Variants in CSMD1 observed in about 807,000 individuals in gnomAD.
The protein encoded by CSMD1 is CUB and Sushi multiple domains 1.
In CSMD1, 213 loss-of-function variants were observed where a neutral mutation model predicts 417.5. That is an observed-to-expected ratio of 0.51 (90% CI 0.46 to 0.57). The LOEUF (loss-of-function observed/expected upper bound fraction) is 0.57. CSMD1 is among the 20% of genes least tolerant of loss of function. CSMD1 has a pLI of 0.00. For missense variants in CSMD1, 6,923 were observed against 4,529.7 expected, an observed-to-expected ratio of 1.53 and a Z score of -15.17; for synonymous variants, 2,862 against 1,736.8, an observed-to-expected ratio of 1.65 and a Z score of -16.11.
intron 6 of CSMD1, among the ~76,000 whole-genome samples, chr8:3,726,703 A>C (rs1802519582): frequency 6.6e-6 from 1 of 152,072 alleles, no homozygotes; most frequent in Non-Finnish European, 1.5e-5. Flanking sequence ...CGAGGTGTAT[A>C]TTTACCTATG....
chr8:4,633,453 G>A (rs538563009), intron 2 of CSMD1, among the ~76,000 whole-genome samples: 1 of 151,836 alleles, frequency 6.6e-6, no homozygotes, highest in Non-Finnish European at 1.5e-5. Flanking sequence ...GTTTCACCGT[G>A]TTAGCCAGGA....
intron 50 of CSMD1, among the ~76,000 whole-genome samples, chr8:3,049,982 T>C (rs1382611129): frequency 2.0e-5 from 3 of 152,192 alleles, no homozygotes; most frequent in East Asian, 1.9e-4. Flanking sequence ...AAATAAAAAT[T>C]ACATTTTATA....
intron 3 of CSMD1, among the ~76,000 whole-genome samples, chr8:4,191,338 G>A (rs1389336529): frequency 6.6e-6 from 1 of 152,158 alleles, no homozygotes; most frequent in South Asian, 2.1e-4. Context: ...AGAGCCTGCA[G>A]TGAGCAGAGA....
At chr8:3,788,125 A>G (rs1355367547) in intron 5 of CSMD1, among the ~76,000 whole-genome samples, 1 of 152,216 alleles carries the variant, frequency 6.6e-6, no homozygotes, top group Non-Finnish European at 1.5e-5. Flanking sequence ...TTTCTTTAAA[A>G]TATTCTCAGG....
chr8:3,693,032 G>T (rs1800339318), intron 7 of CSMD1, among the ~76,000 whole-genome samples: 1 of 151,916 alleles, frequency 6.6e-6, no homozygotes, highest in African/African-American at 2.4e-5. Context: ...TCTTAAGAAG[G>T]TTTACAATAT....
At chr8:4,453,246 G>C (rs913975542) in intron 2 of CSMD1, among the ~76,000 whole-genome samples, 1 of 134,690 alleles carries the variant, frequency 7.4e-6, no homozygotes, top group Admixed American at 7.3e-5. Flanking sequence ...CACACACACT[G>C]AACCTCCTAG....
chr8:3,876,556 A>T (rs751774572), intron 5 of CSMD1, among the ~76,000 whole-genome samples: 6 of 152,216 alleles, frequency 3.9e-5, no homozygotes, highest in Non-Finnish European at 8.8e-5. Flanking sequence ...CTAAAAAATT[A>T]TTAATTCTAA....
At chr8:4,453,194 C>A (rs550410374) in intron 2 of CSMD1, among the ~76,000 whole-genome samples, 5 of 139,894 alleles carry the variant, frequency 3.6e-5, no homozygotes, top group African/African-American at 1.4e-4. Context: ...CACACAGACA[C>A]ACCCACACAG....
At chr8:3,163,776 G>C (rs573589460) in intron 37 of CSMD1, among the ~76,000 whole-genome samples, 48 of 152,282 alleles carry the variant, frequency 3.2e-4, no homozygotes, top group African/African-American at 1.1e-3. Flanking sequence ...GGGAAACCCT[G>C]GGTCATCCCT....
At chr8:4,314,684 T>C (rs974341145) in intron 3 of CSMD1, among the ~76,000 whole-genome samples, 2 of 152,200 alleles carry the variant, frequency 1.3e-5, no homozygotes, top group Non-Finnish European at 2.9e-5. Context: ...TAGGTCAAAA[T>C]GCCTTTCAAG....
intron 3 of CSMD1, among the ~76,000 whole-genome samples, chr8:4,326,995 A>C (rs1415582371): frequency 1.3e-5 from 2 of 152,152 alleles, no homozygotes; most frequent in African/African-American, 4.8e-5. Flanking sequence ...TGAGAAGGAA[A>C]ACGAAAGAAT....
At chr8:3,730,053 C>G (rs753569168) in intron 6 of CSMD1, among the ~76,000 whole-genome samples, 2 of 151,190 alleles carry the variant, frequency 1.3e-5, no homozygotes, top group Non-Finnish European at 2.9e-5. Context: ...TCCACAGGTC[C>G]TCTACCTTAA....
intron 5 of CSMD1, among the ~76,000 whole-genome samples, chr8:3,881,417 C>T (rs367646606): frequency 6.6e-6 from 1 of 151,398 alleles, no homozygotes; most frequent in African/African-American, 2.4e-5. Context: ...AGGCAGATCA[C>T]AAGGTTAGGA....
At chr8:4,171,046 C>G (rs1797736303) in intron 3 of CSMD1, among the ~76,000 whole-genome samples, 1 of 151,872 alleles carries the variant, frequency 6.6e-6, no homozygotes, top group African/African-American at 2.4e-5. Flanking sequence ...ACCGATCTCT[C>G]CATCCTCATC....
At chr8:3,528,116 G>T (rs1046574258) in intron 10 of CSMD1, among the ~76,000 whole-genome samples, 3 of 152,214 alleles carry the variant, frequency 2.0e-5, no homozygotes, top group African/African-American at 7.2e-5. Context: ...ATACTGGAAA[G>T]TGATTCTTTA....
In CSMD1 at chr8:4,875,119, C is replaced by G. The variant is rs1385957029; in HGVS notation, c.85+119213G>C. On this transcript the variant is annotated intron_variant, in intron 1 of 69. Coordinates refer to ENST00000635120, the MANE Select transcript of CSMD1 (RefSeq NM_033225.6). ...TTGGAATTCAGAGTAAATACAGAAGCCCTCCTTCCCTCATGGTAAGGTAGT... is the reference window on the plus strand; with the variant it reads ...TTGGAATTCAGAGTAAATACAGAAGGCCTCCTTCCCTCATGGTAAGGTAGT... Among the ~76,000 whole-genome samples the G allele has an allele frequency of 2.0e-5, 3 of 151,764 alleles. 1 individual carries two copies. The highest frequency in any genetic ancestry group is 4.4e-5 in the Non-Finnish European group (3 of 67,976).
chr8:4,267,024 A>T lies in CSMD1; in HGVS notation c.415+152929T>A, dbSNP rs1299074672. Among the ~76,000 whole-genome samples, 8 of 104,070 alleles carry T rather than the reference A, an allele frequency of 7.7e-5. 3 individuals carry two copies. Among genetic ancestry groups the T allele is most frequent in the African/African-American group, 2.1e-4 (8 of 38,424 alleles). The allele number at this position is 104,070 out of a possible 152,430, so 68.3% of individuals were successfully genotyped here. ...GATTTTTACAAAACAAAAGCATAAA[A>T]CCTAGTAATGTAACAGAAACCATTC... On this transcript the variant is annotated intron_variant, in intron 3 of 69. Transcript: ENST00000635120.
At chr8:3,620,479 G>C (rs1303924850) in intron 7 of CSMD1, among the ~76,000 whole-genome samples, 1 of 152,084 alleles carries the variant, frequency 6.6e-6, no homozygotes, top group Non-Finnish European at 1.5e-5. Context: ...TACGCTAATA[G>C]TTACATTATA....
intron 2 of CSMD1, among the ~76,000 whole-genome samples, chr8:4,594,471 C>A (rs146965579): frequency 1.3e-5 from 2 of 152,092 alleles, no homozygotes; most frequent in Non-Finnish European, 2.9e-5. Context: ...AAGTGCTGGG[C>A]TTAAAAGTGT....
Sources: gnomAD v4.1 joint callset for allele counts (sites outside exome capture counted in the v4.1 genomes callset) on GRCh38, gnomAD v4.1.1 for gene constraint, MANE v1.5 for transcripts, NCBI Gene and HGNC (gene_info 2026-07-23, HGNC 2026-07-21) for gene names.